The following ACTR3C variants were observed in gnomAD, a reference collection of about 807,000 sequenced individuals.
ACTR3C encodes actin-related protein 3C.
In ACTR3C, 18 loss-of-function variants were observed where a neutral mutation model predicts 26.3. The observed-to-expected ratio is 0.68, with a 90% CI of 0.47 to 1.01. The LOEUF is 1.01. ACTR3C is among the 50% of genes least tolerant of loss of function. The pLI is 0.00. For missense variants in ACTR3C, 184 were observed against 250.7 expected, an observed-to-expected ratio of 0.73 and a Z score of 1.80; for synonymous variants, 55 against 94.5, an observed-to-expected ratio of 0.58 and a Z score of 2.42.
the ACTR3C span, among the ~76,000 whole-genome samples, chr7:150,020,467 G>A: frequency 1.3e-5 from 2 of 152,018 alleles, no homozygotes. Context: ...AGTTTACAAG[G>A]CATTTATTAA....
the ACTR3C span, among the ~76,000 whole-genome samples, chr7:149,942,289 A>G: frequency 6.6e-6 from 1 of 152,186 alleles, no homozygotes; most frequent in African/African-American, 2.4e-5. Context: ...TAGCTCTAAA[A>G]TGGGCTTCAA....
At chr7:150,297,029 C>T (rs1208776514) in intron 1 of ACTR3C, among the ~76,000 whole-genome samples, 1 of 152,226 alleles carries the variant, frequency 6.6e-6, no homozygotes, top group Non-Finnish European at 1.5e-5. Flanking sequence ...GTTTAAGCCA[C>T]CCAACCTGTG....
chr7:150,239,401 G>A (rs1832046462), downstream of ACTR3C, among the ~76,000 whole-genome samples: 1 of 142,604 alleles, frequency 7.0e-6, no homozygotes, highest in South Asian at 2.2e-4. Flanking sequence ...CAAAATATAG[G>A]TCAAATGTGA....
chr7:150,036,862 C>CGG, the ACTR3C span, among the ~76,000 whole-genome samples: 2 of 118,300 alleles, frequency 1.7e-5, no homozygotes, highest in African/African-American at 6.0e-5. Context: ...GGTCCTAAGC[C>CGG]AGGGGGGGAT....
At chr7:149,923,409 CAA>C in the ACTR3C span, among the ~76,000 whole-genome samples, 1 of 151,922 alleles carries the variant, frequency 6.6e-6, no homozygotes, top group Non-Finnish European at 1.5e-5. Flanking sequence ...AAAGGATGGA[CAA>C]ATATATATAT....
the ACTR3C span, among the ~76,000 whole-genome samples, chr7:149,899,602 T>TAAAAAAAAA: frequency 1.0e-4 from 12 of 118,628 alleles, no homozygotes; most frequent in Non-Finnish European, 2.2e-4. Context: ...CTGGAAGAAG[T>TAAAAAAAAA]AAAAAAAAAA....
chr7:150,121,982 G>A, the ACTR3C span, among the ~76,000 whole-genome samples: 10 of 152,160 alleles, frequency 6.6e-5, no homozygotes, highest in South Asian at 2.1e-4. Flanking sequence ...ATGGGGAAAC[G>A]ATTACCTATT....
the ACTR3C span, among the ~76,000 whole-genome samples, chr7:150,168,558 T>C: frequency 6.6e-6 from 1 of 150,842 alleles, no homozygotes; most frequent in African/African-American, 2.5e-5. Flanking sequence ...GCACAGTAAG[T>C]GTAATGCACT....
chr7:150,041,805 C>CCT, the ACTR3C span, among the ~76,000 whole-genome samples: 1 of 129,248 alleles, frequency 7.7e-6, no homozygotes, highest in Non-Finnish European at 1.7e-5. Flanking sequence ...GTGCCTCCCC[C>CCT]CCTGCGATGG....
the ACTR3C span, among the ~76,000 whole-genome samples, chr7:150,053,754 T>C: frequency 6.6e-6 from 1 of 152,230 alleles, no homozygotes; most frequent in Non-Finnish European, 1.5e-5. Flanking sequence ...ATTGGTACTC[T>C]CCTGCAGGCT....
chr7:150,319,855 G>A (rs892127448), intron 1 of ACTR3C, among the ~76,000 whole-genome samples: 3 of 152,238 alleles, frequency 2.0e-5, no homozygotes, highest in Admixed American at 6.5e-5. Flanking sequence ...CTAGGGGCAG[G>A]AGCCAGTCCT....
intron 1 of ACTR3C, among the ~76,000 whole-genome samples, chr7:150,316,166 C>A (rs1334107498): frequency 1.3e-5 from 2 of 152,210 alleles, no homozygotes; most frequent in African/African-American, 4.8e-5. Context: ...CATTGCACTC[C>A]AGCCTGGGCA....
At chr7:150,023,338 C>CATACACAG in the ACTR3C span, among the ~76,000 whole-genome samples, 1 of 46,054 alleles carries the variant, frequency 2.2e-5, no homozygotes, top group African/African-American at 7.2e-5. Context: ...TACATACATA[C>CATACACAG]ATATATATTT....
At chr7:149,907,478 T>TTCTCTCTC in the ACTR3C span, among the ~76,000 whole-genome samples, 25 of 97,676 alleles carry the variant, frequency 2.6e-4, no homozygotes, top group African/African-American at 5.3e-4. Context: ...CTCTCTTCTC[T>TTCTCTCTC]TCTCTCTCTC....
chr7:150,094,483 C>T, the ACTR3C span, among the ~76,000 whole-genome samples: 1 of 150,482 alleles, frequency 6.6e-6, no homozygotes, highest in African/African-American at 2.5e-5. Context: ...AACAATGCCA[C>T]GGATTATTAT....
chr7:150,133,546 T>A, the ACTR3C span, among the ~76,000 whole-genome samples: 1 of 151,678 alleles, frequency 6.6e-6, no homozygotes, highest in African/African-American at 2.4e-5. Context: ...GGAAAATGCA[T>A]TGGACCTGGA....
intron 4 of ACTR3C, 78 bp downstream of exon 4, chr7:150,289,372 G>A: frequency 6.8e-7 from 1 of 1,470,552 alleles, no homozygotes; most frequent in Non-Finnish European, 9.0e-7. Flanking sequence ...GAGGGGCAGG[G>A]ATGATGGCAC....
intron 1 of ACTR3C, among the ~76,000 whole-genome samples, chr7:150,314,505 C>A (rs28581984): frequency 0.022 from 3,382 of 152,112 alleles, 139 homozygotes; most frequent in African/African-American, 0.077. Context: ...TTGTGTATGT[C>A]ACTATTTATT....
the ACTR3C span, among the ~76,000 whole-genome samples, chr7:150,088,841 C>T: frequency 3.3e-5 from 5 of 152,216 alleles, no homozygotes; most frequent in East Asian, 5.8e-4. Context: ...AGAATGGATT[C>T]GATAATCACT....
Sources: allele counts gnomAD v4.1 joint callset (sites outside exome capture counted in the v4.1 genomes callset), GRCh38; gene constraint gnomAD v4.1.1; transcripts MANE v1.5; gene names NCBI Gene and HGNC (gene_info 2026-07-23, HGNC 2026-07-21).